Variants in UGT2B17 observed in about 807,000 individuals in gnomAD.
UGT2B17 encodes the protein UDP glucuronosyltransferase family 2 member B17.
In UGT2B17, 21 loss-of-function variants were observed where a neutral mutation model predicts 48.2. The ratio of observed to expected loss-of-function variants is 0.44; its 90% CI spans 0.31 to 0.63. The LOEUF (loss-of-function observed/expected upper bound fraction) is 0.63, where lower values mean the gene tolerates loss of function less well. Ranked by LOEUF, UGT2B17 falls within the 20% of genes least tolerant of loss-of-function variation. UGT2B17 has a pLI of 0.08. For synonymous variants in UGT2B17, 146 were observed against 238.4 expected (o/e 0.61, Z 3.57); for missense variants, 402 against 696.1 (o/e 0.58, Z 4.75).
chr4:68,564,219 T>A (rs1412409538), intron 3 of UGT2B17, among the ~76,000 whole-genome samples: 1 of 120,106 alleles, frequency 8.3e-6, no homozygotes, highest in Non-Finnish European at 1.7e-5. Flanking sequence ...TATCTCTTCA[T>A]TTCTTAACTC....
chr4:68,544,079 G>T (rs1290705770), intron 6 of UGT2B17, among the ~76,000 whole-genome samples: 2 of 125,328 alleles, frequency 1.6e-5, no homozygotes, highest in African/African-American at 5.5e-5. Context: ...GACATACAGA[G>T]AATGCCATAA....
chr4:68,568,901 T>C (rs150774660), intron 1 of UGT2B17, among the ~76,000 whole-genome samples: 7,013 of 131,790 alleles, frequency 0.053, 408 homozygotes, highest in East Asian at 0.22. Context: ...TACAGTTCAA[T>C]GTTTCCTAGT....
chr4:68,539,752 T>C (rs11723091), intron 6 of UGT2B17, among the ~76,000 whole-genome samples: 1 of 121,620 alleles, frequency 8.2e-6, no homozygotes, highest in Non-Finnish European at 1.7e-5. Flanking sequence ...CAGCATATGG[T>C]CAATTCCAGT....
intron 1 of UGT2B17, among the ~76,000 whole-genome samples, chr4:68,569,296 A>G (rs1431448561): frequency 1.6e-5 from 2 of 127,800 alleles, no homozygotes; most frequent in African/African-American, 5.4e-5. Context: ...GTGCCCCAAC[A>G]ATGGAAGTGG....
intron 4 of UGT2B17, among the ~76,000 whole-genome samples, chr4:68,553,812 C>T (rs185816400): frequency 0.02 from 2,386 of 119,952 alleles, 506 homozygotes; most frequent in East Asian, 0.053. Flanking sequence ...TCTCATTTGG[C>T]TTGTCTGTGT....
intron 6 of UGT2B17, among the ~76,000 whole-genome samples, chr4:68,546,125 A>T (rs150156791): frequency 0.016 from 1,955 of 125,948 alleles, 382 homozygotes; most frequent in African/African-American, 0.046. Context: ...CAAGAAAAAA[A>T]AGAGAATTGT....
rs974287570 is a variant in UGT2B17 at position 68,566,352 on chromosome 4, T to C, written c.725-632A>G. Among the ~76,000 whole-genome samples, 24 of 120,116 alleles carry C rather than the reference T, an allele frequency of 2.0e-4. 4 individuals carry two copies. The highest frequency in any genetic ancestry group is 6.8e-4 in the African/African-American group (24 of 35,282). 78.8% of individuals were successfully genotyped at this position (120,116 alleles called of 152,430 possible). A position where few individuals can be genotyped will look rare whatever the true frequency, so the allele number is the denominator to read the frequency against. ...GTATATTCACAATCATAAATAATTATTAAAATAAGTCACTAATATGGTTTG... is the reference window on the plus strand; with the variant it reads ...GTATATTCACAATCATAAATAATTACTAAAATAAGTCACTAATATGGTTTG... On this transcript the variant is annotated intron_variant, in intron 2 of 6. Transcript: ENST00000317746.
rs1172728105 is a variant in UGT2B17 at position 68,562,060 on chromosome 4, G to A, written c.874-1392C>T. Among the ~76,000 whole-genome samples, 2 of 124,274 alleles carry A rather than the reference G, an allele frequency of 1.6e-5. 1 individual carries two copies. The highest frequency in any genetic ancestry group is 3.4e-5 in the Non-Finnish European group (2 of 58,892). The allele number at this position is 124,274 out of a possible 152,430, so 81.5% of individuals were successfully genotyped here. On this transcript the variant is annotated intron_variant, in intron 3 of 6. Coordinates refer to ENST00000317746, the MANE Select transcript of UGT2B17 (RefSeq NM_001077.4). ...ATATGTCAATTCAGACCATATATTGGTATTTTTCAAAAATATAATTGAACT... is the reference window on the plus strand; with the variant it reads ...ATATGTCAATTCAGACCATATATTGATATTTTTCAAAAATATAATTGAACT...
Position 68,545,793 on chromosome 4 carries a change from C to A in UGT2B17, c.1313+4884G>T, listed in dbSNP as rs1218346057. 3.2e-5 allele frequency among the ~76,000 whole-genome samples: 4 copies of A among 125,832 alleles called. 1 individual carries two copies. Among genetic ancestry groups the A allele is most frequent in the Non-Finnish European group, 6.7e-5 (4 of 59,502 alleles). 82.6% of individuals were successfully genotyped at this position (125,832 alleles called of 152,430 possible). On this transcript the variant is annotated intron_variant, in intron 6 of 6. Coordinates refer to ENST00000317746, the MANE Select transcript of UGT2B17 (RefSeq NM_001077.4). ...AACTACCATCAGAGAATACTATAAA[C>A]ACCTCTACGCAAATAAACTAGAAAA...
In UGT2B17 at chr4:68,537,904, G is replaced by A. The variant is rs1230228501; in HGVS notation, c.1314C>T (p.Ile438=). Residue 438 remains isoleucine (I), a splice_region_variant and synonymous_variant, in exon 7 of 7, where the codon ATC becomes ATT. Coordinates refer to ENST00000317746, the MANE Select transcript of UGT2B17 (RefSeq NM_001077.4). ...ATAATTTCATGATATTCTCTTTATA[G>A]CTGAAGGATAAATATAAAGATATCA... ...NALKSVINDP[I]YKENIMKLSR... 6.1e-5 allele frequency: 82 copies of A among 1,343,724 alleles called. 17 individuals carry two copies. Among genetic ancestry groups the A allele is most frequent in the Non-Finnish European group, 7.6e-5 (78 of 1,032,066 alleles). The allele number at this position is 1,343,724 out of a possible 1,614,324, so 83.2% of individuals were successfully genotyped here. A position where few individuals can be genotyped will look rare whatever the true frequency, so the allele number is the denominator to read the frequency against.
At chr4:68,575,900 G>A (rs1379885264) in intron 1 of UGT2B17, among the ~76,000 whole-genome samples, 51 bp downstream of exon 1, 1 of 126,222 alleles carries the variant, frequency 7.9e-6, no homozygotes, top group Non-Finnish European at 1.7e-5. Flanking sequence ...GGGTGACCAG[G>A]CCATGCTTCT....
chr4:68,540,034 C>T lies in UGT2B17; in HGVS notation c.1314-2130G>A, dbSNP rs1730625741. ...CTCCTGACCAAATGTGATCCTCCCA[C>T]CTTGGCCTCCCAAAGTGTTGGAATT... On this transcript the variant is annotated intron_variant, in intron 6 of 6. Transcript: ENST00000317746. Among the ~76,000 whole-genome samples, 2 of 123,738 alleles carry T rather than the reference C, an allele frequency of 1.6e-5. 1 individual carries two copies. Among genetic ancestry groups the T allele is most frequent in the Non-Finnish European group, 3.4e-5 (2 of 58,984 alleles). The allele number at this position is 123,738 out of a possible 152,430, so 81.2% of individuals were successfully genotyped here.
intron 3 of UGT2B17, among the ~76,000 whole-genome samples, chr4:68,564,291 TATA>T (rs1226439500): frequency 1.1e-5 from 1 of 87,002 alleles, no homozygotes; most frequent in African/African-American, 6.4e-5. Context: ...TATATATATA[TATA>T]TTTTTTTTTT....
chr4:68,551,317 ATT>A (rs905072428), intron 5 of UGT2B17, among the ~76,000 whole-genome samples: 1 of 124,392 alleles, frequency 8.0e-6, no homozygotes, highest in Non-Finnish European at 1.7e-5. Flanking sequence ...AAATACTTAA[ATT>A]TTTTTTTAAA....
In UGT2B17 at chr4:68,564,298, T is replaced by A. The variant is rs868006544; in HGVS notation, c.873+1274A>T. On this transcript the variant is annotated intron_variant, in intron 3 of 6. Transcript: ENST00000317746. ...CATATATATATATATATATATATTT[T>A]TTTTTTTTGAGACAGAGTCTCACTC... 3.1e-3 allele frequency among the ~76,000 whole-genome samples: 315 copies of A among 102,524 alleles called. 32 individuals carry two copies. The highest frequency in any genetic ancestry group is 0.012 in the African/African-American group (295 of 24,074). 67.3% of individuals were successfully genotyped at this position (102,524 alleles called of 152,430 possible).
Position 68,568,319 on chromosome 4 carries a change from A to G in UGT2B17, c.166T>C (p.Leu56=), listed in dbSNP as rs775996896. 1 of 1,379,200 alleles carries G rather than the reference A, an allele frequency of 7.3e-7. No homozygotes were observed. The highest frequency in any genetic ancestry group is 1.6e-5 in the South Asian group (1 of 61,414). 85.4% of individuals were successfully genotyped at this position (1,379,200 alleles called of 1,614,324 possible). ...ACAAGAATAGAAGCCGAAGATGTCA[A>G]CACAATCACCTCATGACCCCTCTGA... ...LVQRGHEVIV[L]TSSASILVNA... is the part of the protein sequence containing the mutation. Residue 56 remains leucine, a synonymous_variant, in exon 2 of 7, where the codon TTG becomes CTG. Transcript: ENST00000317746.
intron 6 of UGT2B17, among the ~76,000 whole-genome samples, chr4:68,541,039 G>C (rs7438491): frequency 0.33 from 40,724 of 123,946 alleles, 13,137 homozygotes; most frequent in Admixed American, 0.42. Context: ...TCTTTATCCA[G>C]TCTATCATTG....
chr4:68,546,981 C>T lies in UGT2B17; in HGVS notation c.1313+3696G>A, dbSNP rs1263139070. ...GCTCATGGGTAGGAAGAATCAATAT[C>T]GTGAAAACGGCCATACTGCCCAAGG... On this transcript the variant is annotated intron_variant, in intron 6 of 6. Coordinates refer to ENST00000317746, the MANE Select transcript of UGT2B17 (RefSeq NM_001077.4). Among the ~76,000 whole-genome samples the T allele has an allele frequency of 4.0e-5, 5 of 125,060 alleles. 2 individuals are homozygous for T. Among genetic ancestry groups the T allele is most frequent in the African/African-American group, 5.5e-5 (2 of 36,620 alleles). 82.0% of individuals were successfully genotyped at this position (125,060 alleles called of 152,430 possible).
rs1462777148 is a variant in UGT2B17, at chr4:68,550,886, T to C, written c.1104A>G (p.Lys368=). ...CACCATGAGTTATAAAAGCTTTGGT[T>C]TTGGGATGACCTAAAAGTGGATGCA... The part of the protein sequence containing the change: ...LPQNDLLGHP[K]TKAFITHGGT... Residue 368 remains lysine, a synonymous_variant, in exon 6 of 7, where the codon AAA becomes AAG. Coordinates refer to ENST00000317746, the MANE Select transcript of UGT2B17 (RefSeq NM_001077.4). The C allele has an allele frequency of 1.9e-5, 26 of 1,372,236 alleles. 7 individuals are homozygous for C. The highest frequency in any genetic ancestry group is 2.9e-5 in the African/African-American group (2 of 67,834). 85.0% of individuals were successfully genotyped at this position (1,372,236 alleles called of 1,614,324 possible). A position where few individuals can be genotyped will look rare whatever the true frequency, so the allele number is the denominator to read the frequency against.
Sources: allele counts gnomAD v4.1 joint callset (sites outside exome capture counted in the v4.1 genomes callset), GRCh38; gene constraint gnomAD v4.1.1; transcripts MANE v1.5; gene names NCBI Gene and HGNC (gene_info 2026-07-23, HGNC 2026-07-21).